Variants in LRP1B observed in about 807,000 individuals in gnomAD.
LRP1B encodes low-density lipoprotein receptor-related protein 1B.
In LRP1B, 217 loss-of-function variants were observed where a neutral mutation model predicts 556.6. The ratio of observed to expected loss-of-function variants is 0.39; its 90% confidence interval spans 0.35 to 0.44. LRP1B has a LOEUF of 0.44. LRP1B is among the 20% of genes least tolerant of loss of function. LRP1B has a pLI of 1.00. For missense variants in LRP1B, 5,053 were observed against 5,620.8 expected (o/e 0.90, Z 3.23); for synonymous variants, 2,047 against 1,865.8 (o/e 1.10, Z -2.50).
At chr2:140,265,691 C>T (rs1007263531) in intron 86 of LRP1B, among the ~76,000 whole-genome samples, 1 of 152,002 alleles carries the variant, frequency 6.6e-6, no homozygotes, top group African/African-American at 2.4e-5. Flanking sequence ...TGTCTGTTTC[C>T]TGTAAATGTT....
In LRP1B at chr2:140,444,554, A is replaced by G. The variant is rs866069068; in HGVS notation, c.10174+9T>C. On this transcript the variant is annotated intron_variant, in intron 64 of 90. Coordinates refer to ENST00000389484, the MANE Select transcript of LRP1B (RefSeq NM_018557.3). ...CTTATGTTCATTAGTTAGGAATTTA[A>G]TCACCTACCACAGTTGAGTTCATCA... is the stretch of plus-strand genomic sequence containing the variant. The G allele has an allele frequency of 1.9e-6, 3 of 1,612,668 alleles. No individual in the cohort carries two copies. The highest frequency in any genetic ancestry group is 2.2e-5 in the East Asian group (1 of 44,830).
intron 2 of LRP1B, among the ~76,000 whole-genome samples, chr2:141,641,368 A>C (rs1332390308): frequency 6.6e-6 from 1 of 152,144 alleles, no homozygotes; most frequent in Non-Finnish European, 1.5e-5. Flanking sequence ...TATAAAGAAA[A>C]AGGGAGTTGA....
intron 2 of LRP1B, 81 bp downstream of exon 2, chr2:141,810,198 C>A (rs2105706731): frequency 3.1e-6 from 4 of 1,275,624 alleles, no homozygotes; most frequent in South Asian, 1.4e-5. Context: ...TCATCTAGAA[C>A]AGCAGTCATC....
Position 140,506,935 on chromosome 2 carries a change from A to G in LRP1B, c.8399-17T>C. The G allele has an allele frequency of 6.2e-7, 1 of 1,612,520 alleles. No homozygotes were observed. Among genetic ancestry groups the G allele is most frequent in the Non-Finnish European group, 8.5e-7 (1 of 1,179,186 alleles). On this transcript the variant is annotated splice_polypyrimidine_tract_variant and intron_variant, in intron 52 of 90. Transcript: ENST00000389484. The stretch of plus-strand genomic sequence containing the variant: ...TATTGGGAGCTAAGAAAGGCATCAC[A>G]AAAAATAAAGTTAGATGAGCACATA...
At chr2:141,752,128 C>T (rs1694137740) in intron 2 of LRP1B, among the ~76,000 whole-genome samples, 1 of 151,754 alleles carries the variant, frequency 6.6e-6, no homozygotes, top group Admixed American at 6.6e-5. Flanking sequence ...TGTTTTTATA[C>T]TAGTACTAGT....
intron 66 of LRP1B, among the ~76,000 whole-genome samples, chr2:140,437,705 T>C (rs1686247106): frequency 1.3e-5 from 2 of 152,168 alleles, no homozygotes; most frequent in Non-Finnish European, 2.9e-5. Flanking sequence ...TATATCTACA[T>C]AGAATAGATA....
chr2:140,744,604 G>A (rs1298195534), intron 35 of LRP1B, among the ~76,000 whole-genome samples: 2 of 152,134 alleles, frequency 1.3e-5, no homozygotes, highest in Non-Finnish European at 2.9e-5. Context: ...CTGTACCTCT[G>A]CCTTTCCATG....
In LRP1B at chr2:140,297,919, T is replaced by G; in HGVS notation, c.12856A>C (p.Lys4286Gln). Residue 4286 changes from lysine to glutamine, a missense_variant, in exon 84 of 91, where the codon AAG becomes CAG. By Grantham distance (53) the Lys-to-Gln change is moderately conservative (BLOSUM62 1). This residue lies in a region of LRP1B where 551 missense variants were observed against 592.0 expected (regional missense o/e 0.93). Coordinates refer to ENST00000389484, the MANE Select transcript of LRP1B (RefSeq NM_018557.3). ...TGACAAAAATCCTCACAGACTGTCT[T>G]ACCACAGTTTGGCCCAGTGAAACCC... is the stretch of plus-strand genomic sequence containing the variant. ...ALGFTGPNCGKTVCEDFCQNG... is the reference protein window; with the variant it reads ...ALGFTGPNCGQTVCEDFCQNG... 1 of 1,613,872 alleles carries G rather than the reference T, an allele frequency of 6.2e-7. No homozygotes were observed. The highest frequency in any genetic ancestry group is 8.5e-7 in the Non-Finnish European group (1 of 1,179,806).
chr2:141,651,852 T>A (rs952258848), intron 2 of LRP1B, among the ~76,000 whole-genome samples: 24 of 152,284 alleles, frequency 1.6e-4, no homozygotes, highest in Non-Finnish European at 2.8e-4. Context: ...AATGGACATC[T>A]CCTTGGAAAT....
intron 2 of LRP1B, among the ~76,000 whole-genome samples, chr2:141,523,545 ATGGT>A (rs1473325017): frequency 6.6e-6 from 1 of 152,176 alleles, no homozygotes; most frequent in Non-Finnish European, 1.5e-5. Context: ...AAAAATGTGT[ATGGT>A]TATTTATGCT....
chr2:140,495,524 T>A (rs1420976775), intron 56 of LRP1B, 41 bp downstream of exon 56: 1 of 1,536,244 alleles, frequency 6.5e-7, no homozygotes, highest in Non-Finnish European at 8.9e-7. Context: ...GATCCATATG[T>A]ATAACTGAGG....
chr2:140,662,325 T>C (rs1218255266), intron 41 of LRP1B, among the ~76,000 whole-genome samples: 1 of 152,026 alleles, frequency 6.6e-6, no homozygotes, highest in Non-Finnish European at 1.5e-5. Flanking sequence ...TACACATAGG[T>C]GTCTATACAT....
At chr2:142,092,608 TG>T (rs1318737648) in intron 1 of LRP1B, among the ~76,000 whole-genome samples, 2 of 151,750 alleles carry the variant, frequency 1.3e-5, no homozygotes, top group Non-Finnish European at 2.9e-5. Context: ...ATTTGAGAGT[TG>T]GGGTAAATTT....
chr2:141,508,087 C>CA lies in LRP1B; in HGVS notation c.206-27555_206-27554insT, dbSNP rs1683995515. Among the ~76,000 whole-genome samples the CA allele has an allele frequency of 1.3e-4, 6 of 47,978 alleles. No individual in the cohort carries two copies. In the Admixed American group the frequency reaches 1.3e-3, roughly 10 times the overall value. 31.5% of individuals were successfully genotyped at this position (47,978 alleles called of 152,430 possible). ...GATGAAAGAGGGAGACTCCATCCCC[C>CA]CCCCAAAAAAAAAGAAAGAAAAGAA... On this transcript the variant is annotated intron_variant, in intron 2 of 90. Transcript: ENST00000389484.
chr2:141,079,194 T>C (rs1408635997), intron 7 of LRP1B, among the ~76,000 whole-genome samples: 1 of 152,186 alleles, frequency 6.6e-6, no homozygotes, highest in Admixed American at 6.5e-5. Context: ...AAAACAGTAT[T>C]CAGACTTCCT....
At chr2:142,012,531 A>T (rs1299135289) in intron 1 of LRP1B, among the ~76,000 whole-genome samples, 1 of 152,120 alleles carries the variant, frequency 6.6e-6, no homozygotes, top group Non-Finnish European at 1.5e-5. Context: ...AGACTCCATA[A>T]GTGCTGCCTG....
chr2:140,911,062 A>G (rs953481101), intron 21 of LRP1B, among the ~76,000 whole-genome samples: 1 of 151,854 alleles, frequency 6.6e-6, no homozygotes, highest in Non-Finnish European at 1.5e-5. Flanking sequence ...CAATGCATCC[A>G]TACATTAAAG....
chr2:140,355,038 C>T (rs1333088685), intron 75 of LRP1B, among the ~76,000 whole-genome samples: 1 of 151,662 alleles, frequency 6.6e-6, no homozygotes, highest in African/African-American at 2.4e-5. Context: ...AATAGATGAA[C>T]ATTTTATTAG....
chr2:141,395,407 AAT>A (rs1690205127), intron 3 of LRP1B, among the ~76,000 whole-genome samples: 1 of 152,160 alleles, frequency 6.6e-6, no homozygotes, highest in Non-Finnish European at 1.5e-5. Flanking sequence ...TTGGTAAAGT[AAT>A]ATGTTATACA....
Sources: gnomAD v4.1 joint callset for allele counts (sites outside exome capture counted in the v4.1 genomes callset) on GRCh38, gnomAD v4.1.1 for gene constraint, gnomAD v4.1.1 regional missense constraint, MANE v1.5 for transcripts, NCBI Gene and HGNC (gene_info 2026-07-23, HGNC 2026-07-21) for gene names.